FMNL2: variants seen among roughly 807,000 people sequenced by gnomAD.
The protein encoded by FMNL2 is formin like 2, also known as formin-like protein 2.
In FMNL2, 51 loss-of-function variants were observed where a neutral mutation model predicts 130.2. The ratio of observed to expected loss-of-function variants is 0.39; its 90% CI spans 0.31 to 0.49. The LOEUF (loss-of-function observed/expected upper bound fraction) is 0.49, where lower values mean the gene tolerates loss of function less well. FMNL2 is among the 20% of genes least tolerant of loss of function. The pLI is 0.85. For synonymous variants in FMNL2, 465 were observed against 467.1 expected, an observed-to-expected ratio of 1.00 and a Z score of 0.06; for missense variants, 977 against 1,316.2, an observed-to-expected ratio of 0.74 and a Z score of 3.99.
intron 9 of FMNL2, among the ~76,000 whole-genome samples, chr2:152,604,783 A>G (rs919539073): frequency 2.6e-5 from 4 of 152,068 alleles, no homozygotes; most frequent in African/African-American, 9.7e-5. Flanking sequence ...TTTAGTACAG[A>G]CGGGGTTTTA....
At chr2:152,469,242 G>A (rs147374640) in intron 1 of FMNL2, among the ~76,000 whole-genome samples, 1 of 152,242 alleles carries the variant, frequency 6.6e-6, no homozygotes, top group Non-Finnish European at 1.5e-5. Context: ...TGTCATCTGA[G>A]AACCTTTGCA....
intron 2 of FMNL2, among the ~76,000 whole-genome samples, chr2:152,526,837 A>G (rs1693414894): frequency 1.3e-5 from 2 of 152,106 alleles, no homozygotes; most frequent in Non-Finnish European, 2.9e-5. Flanking sequence ...TTTTTAAAAA[A>G]ATCGGTATGC....
chr2:152,357,145 A>AAC (rs1682865506), intron 1 of FMNL2, among the ~76,000 whole-genome samples: 15 of 129,032 alleles, frequency 1.2e-4, no homozygotes, highest in Non-Finnish European at 2.1e-4. Flanking sequence ...TATCACGATA[A>AAC]ATATTACATC....
Position 152,629,680 on chromosome 2 carries a change from T to G in FMNL2, c.2425T>G (p.Ser809Ala). The change falls in exon 19 of 26, where the codon TCT becomes GCT. Residue 809 changes from serine (S) to alanine (A), a missense_variant. Ser to Ala is a moderately conservative substitution (Grantham distance 99). Around this residue, in one of 4 missense-constraint regions of FMNL2, gnomAD observed 689 missense variants for 995.9 expected, o/e 0.69. Transcript: ENST00000288670. ...TPQLHAIIAA[S>A]VSIKSSQKLK... ...GCAACTACATGCGATTATAGCAGCATCTGTCTCTATAAAGTCGTCCCAAAA... is the reference window on the plus strand; with the variant it reads ...GCAACTACATGCGATTATAGCAGCAGCTGTCTCTATAAAGTCGTCCCAAAA... 6.2e-7 allele frequency: 1 copy of G among 1,602,500 alleles called. No individual in the cohort carries two copies. The highest frequency in any genetic ancestry group is 8.5e-7 in the Non-Finnish European group (1 of 1,173,862).
intron 1 of FMNL2, among the ~76,000 whole-genome samples, chr2:152,382,886 A>C (rs1684557453): frequency 6.6e-6 from 1 of 152,174 alleles, no homozygotes; most frequent in Non-Finnish European, 1.5e-5. Context: ...CGGACAACAA[A>C]CTGGTCTCAC....
chr2:152,538,841 C>A (rs1342647872), intron 2 of FMNL2, among the ~76,000 whole-genome samples: 1 of 152,038 alleles, frequency 6.6e-6, no homozygotes, highest in Non-Finnish European at 1.5e-5. Context: ...TTCAATGTGG[C>A]CAATTTGAAC....
chr2:152,438,594 C>T (rs1687900374), intron 1 of FMNL2, among the ~76,000 whole-genome samples: 1 of 152,078 alleles, frequency 6.6e-6, no homozygotes, highest in Non-Finnish European at 1.5e-5. Context: ...TTTTGAGGTA[C>T]TGTGTAGGTC....
intron 1 of FMNL2, among the ~76,000 whole-genome samples, chr2:152,383,444 CG>C (rs1374242779): frequency 3.3e-5 from 5 of 151,542 alleles, no homozygotes; most frequent in African/African-American, 9.7e-5. Flanking sequence ...TAAAATGTTC[CG>C]TAAGAGTAAC....
At chr2:152,417,058 G>GT (rs1296381038) in intron 1 of FMNL2, among the ~76,000 whole-genome samples, 1 of 152,212 alleles carries the variant, frequency 6.6e-6, no homozygotes, top group African/African-American at 2.4e-5. Context: ...TCCTCTGTGG[G>GT]TATCTGTAGT....
rs1380872747 is a variant in FMNL2 at position 152,558,722 on chromosome 2, T to G, written c.360-18T>G. 3 of 1,591,652 alleles carry G rather than the reference T, an allele frequency of 1.9e-6. No homozygotes were observed. Among genetic ancestry groups the G allele is most frequent in the Non-Finnish European group, 2.6e-6 (3 of 1,172,792 alleles). ...TGATCAATTTCTCCAATGATTTTTT[T>G]TTTTTTTTCCCCAACAGATGGGTCA... On this transcript the variant is annotated intron_variant, in intron 4 of 25. Coordinates refer to ENST00000288670, the MANE Select transcript of FMNL2 (RefSeq NM_052905.4).
intron 1 of FMNL2, among the ~76,000 whole-genome samples, chr2:152,418,714 G>A (rs1269277452): frequency 6.6e-6 from 1 of 152,096 alleles, no homozygotes. Context: ...TCTATTGATG[G>A]ACATATGAGT....
chr2:152,385,501 G>A (rs764055526), intron 1 of FMNL2, among the ~76,000 whole-genome samples: 1 of 152,200 alleles, frequency 6.6e-6, no homozygotes, highest in Non-Finnish European at 1.5e-5. Context: ...AAACTGTGCC[G>A]TGATTAGAAC....
intron 15 of FMNL2, among the ~76,000 whole-genome samples, chr2:152,622,305 C>T (rs767526796): frequency 1.3e-5 from 2 of 152,196 alleles, no homozygotes; most frequent in Middle Eastern, 3.4e-3. Flanking sequence ...GGTACCACTA[C>T]GATGAAATAA....
At position 152,644,655 on chromosome 2, in the gene FMNL2, GT is replaced by G. The variant is rs540214641; in HGVS notation, c.3170-3140del. Among the ~76,000 whole-genome samples, 21 of 152,272 alleles carry G rather than the reference GT, an allele frequency of 1.4e-4. No individual in the cohort carries two copies. The East Asian group carries it at 3.7e-3, about 27-fold the overall frequency. Reference sequence around the variant, plus strand: ...GCAGGACATGAATACAAAGGCTTAGGTCCTCCCACTGTCTTATCTCATTCAC... The same window carrying G: ...GCAGGACATGAATACAAAGGCTTAGGCCTCCCACTGTCTTATCTCATTCAC... On this transcript the variant is annotated intron_variant, in intron 25 of 25. Transcript: ENST00000288670.
intron 1 of FMNL2, among the ~76,000 whole-genome samples, chr2:152,505,231 G>T (rs895517709): frequency 6.6e-6 from 1 of 152,084 alleles, no homozygotes; most frequent in African/African-American, 2.4e-5. Flanking sequence ...GAAAGGAATA[G>T]TAGAGAGTCA....
intron 1 of FMNL2, among the ~76,000 whole-genome samples, chr2:152,388,607 C>T (rs4664576): frequency 0.08 from 12,158 of 152,076 alleles, 525 homozygotes; most frequent in African/African-American, 0.1. Context: ...CACAGCCAAA[C>T]CATATCAACC....
intron 4 of FMNL2, among the ~76,000 whole-genome samples, chr2:152,558,422 GA>G (rs1395080690): frequency 6.6e-5 from 10 of 152,218 alleles, no homozygotes; most frequent in African/African-American, 2.4e-4. Context: ...AATTGTGGTG[GA>G]AAAAGTACAT....
Position 152,340,977 on chromosome 2 carries a change from A to C in FMNL2, c.117+5257A>C, listed in dbSNP as rs150175311. The stretch of plus-strand genomic sequence containing the variant: ...AGTGCTGGGATTACAGGTGTGAACC[A>C]CTGTGCCCGGCCGGAAGGTCAAGTT... On this transcript the variant is annotated intron_variant, in intron 1 of 25. Coordinates refer to ENST00000288670, the MANE Select transcript of FMNL2 (RefSeq NM_052905.4). Among the ~76,000 whole-genome samples, 1,294 of 152,258 alleles carry C rather than the reference A, an allele frequency of 8.5e-3. 12 individuals are homozygous for C. Among genetic ancestry groups the C allele is most frequent in the Middle Eastern group, 0.014 (4 of 294 alleles).
chr2:152,439,636 T>C (rs930928253), intron 1 of FMNL2, among the ~76,000 whole-genome samples: 8 of 152,018 alleles, frequency 5.3e-5, no homozygotes, highest in Admixed American at 1.3e-4. Flanking sequence ...CTGTGTAATG[T>C]GCCTGTTGCA....
Sources: allele counts gnomAD v4.1 joint callset (sites outside exome capture counted in the v4.1 genomes callset), GRCh38; gene constraint gnomAD v4.1.1; regional missense constraint gnomAD v4.1.1; transcripts MANE v1.5; gene names NCBI Gene and HGNC (gene_info 2026-07-23, HGNC 2026-07-21).